The following GRM5 variants were observed in gnomAD, a reference collection of about 807,000 sequenced individuals.
The protein encoded by GRM5 is glutamate metabotropic receptor 5, also known as metabotropic glutamate receptor 5.
Under a neutral mutation model 83.1 loss-of-function variants are expected in GRM5, and 19 were observed. That is an observed-to-expected ratio of 0.23 (90% confidence interval 0.16 to 0.34). The LOEUF is 0.34. Ranked by LOEUF, GRM5 falls within the 10% of genes least tolerant of loss-of-function variation. The pLI, the probability that GRM5 is intolerant of heterozygous loss-of-function variation, is 1.00. For missense variants in GRM5, 1,160 were observed against 1,588.3 expected (o/e 0.73, Z 4.58); for synonymous variants, 675 against 633.6 (o/e 1.07, Z -0.98).
chr11:88,672,801 AAAAAGT>A (rs1940225846), intron 3 of GRM5, among the ~76,000 whole-genome samples: 1 of 152,026 alleles, frequency 6.6e-6, no homozygotes, highest in Non-Finnish European at 1.5e-5. Flanking sequence ...GAAAGGTACT[AAAAAGT>A]AAAATGGACA....
rs1305912549 is a variant in GRM5, at chr11:88,572,523, GT to G, written c.1691-4532del. ...CTCTTCTGACATTAGATAATTATAT[GT>G]TTTTTTCCCTTCACTAGTATTAGAT... On this transcript the variant is annotated intron_variant, in intron 7 of 9. Transcript: ENST00000305447. Among the ~76,000 whole-genome samples the G allele has an allele frequency of 2.0e-5, 3 of 152,140 alleles. No homozygotes were observed. In the South Asian group the frequency reaches 6.2e-4, roughly 32 times the overall value.
At chr11:89,023,888 AAT>A (rs1439315620) in intron 2 of GRM5, among the ~76,000 whole-genome samples, 11 of 112,658 alleles carry the variant, frequency 9.8e-5, no homozygotes, top group African/African-American at 3.5e-4. Context: ...TAAATAAATA[AAT>A]AAATAAAAAT....
At chr11:88,987,774 C>A (rs1207636190) in intron 2 of GRM5, among the ~76,000 whole-genome samples, 1 of 151,044 alleles carries the variant, frequency 6.6e-6, no homozygotes, top group Admixed American at 6.6e-5. Context: ...CGGCAGGGTA[C>A]TCCAACAGAC....
At chr11:88,720,557 T>C (rs897655553) in intron 3 of GRM5, among the ~76,000 whole-genome samples, 1 of 151,940 alleles carries the variant, frequency 6.6e-6, no homozygotes, top group Admixed American at 6.6e-5. Flanking sequence ...CCACAAATCA[T>C]AGTCAAAACA....
intron 4 of GRM5, among the ~76,000 whole-genome samples, chr11:88,614,137 G>A (rs894363474): frequency 6.6e-6 from 1 of 152,130 alleles, no homozygotes; most frequent in Admixed American, 6.5e-5. Context: ...AGGTGGGTTT[G>A]AGTCTCATTC....
intron 3 of GRM5, among the ~76,000 whole-genome samples, chr11:88,686,813 T>C (rs1940635391): frequency 2.0e-5 from 3 of 152,146 alleles, no homozygotes; most frequent in African/African-American, 4.8e-5. Flanking sequence ...TCCCCAGTCA[T>C]GTGGAACCTC....
chr11:88,866,346 T>G (rs1944665284), intron 2 of GRM5, among the ~76,000 whole-genome samples: 1 of 151,990 alleles, frequency 6.6e-6, no homozygotes, highest in Non-Finnish European at 1.5e-5. Flanking sequence ...AAATGGGAGT[T>G]GAACAATGAG....
intron 7 of GRM5, among the ~76,000 whole-genome samples, chr11:88,589,392 G>A (rs1299503143): frequency 6.6e-6 from 1 of 151,772 alleles, no homozygotes; most frequent in Admixed American, 6.6e-5. Context: ...AAAGGCACTT[G>A]GATGTTTTAT....
intron 3 of GRM5, among the ~76,000 whole-genome samples, chr11:88,711,572 C>T (rs74808097): frequency 1.3e-5 from 2 of 152,052 alleles, no homozygotes; most frequent in Non-Finnish European, 1.5e-5. Flanking sequence ...ATGGCCTGTA[C>T]TAAGCACTTG....
intron 2 of GRM5, among the ~76,000 whole-genome samples, chr11:89,027,711 T>C (rs111379032): frequency 1.8e-3 from 279 of 152,360 alleles, no homozygotes; most frequent in Non-Finnish European, 3.4e-3. Context: ...CATGTGAACG[T>C]ATTTAAATTC....
At chr11:88,940,014 T>C (rs620944) in intron 2 of GRM5, among the ~76,000 whole-genome samples, 75,641 of 151,612 alleles carry the variant, frequency 0.5, 20,374 homozygotes, top group South Asian at 0.67. Flanking sequence ...ATGTCTTTTA[T>C]ATTATGTGTT....
intron 2 of GRM5, among the ~76,000 whole-genome samples, chr11:88,951,545 T>C (rs1938464510): frequency 6.6e-6 from 1 of 152,228 alleles, no homozygotes. Context: ...TGGCTCATAT[T>C]ATTCCCTTGG....
chr11:88,628,049 GC>G (rs1471862172), intron 4 of GRM5, among the ~76,000 whole-genome samples: 2 of 152,026 alleles, frequency 1.3e-5, no homozygotes, highest in African/African-American at 4.8e-5. Flanking sequence ...TATTCAGTTT[GC>G]CAAACTGTTT....
At chr11:88,883,037 C>G (rs1012625833) in intron 2 of GRM5, among the ~76,000 whole-genome samples, 1 of 152,182 alleles carries the variant, frequency 6.6e-6, no homozygotes, top group Non-Finnish European at 1.5e-5. Context: ...CAGCCACATG[C>G]AACTGTGAAT....
intron 2 of GRM5, among the ~76,000 whole-genome samples, chr11:88,923,349 C>A (rs754484459): frequency 6.6e-6 from 1 of 152,094 alleles, no homozygotes; most frequent in Non-Finnish European, 1.5e-5. Context: ...CGCATATACA[C>A]AAGATAGCAC....
intron 8 of GRM5, among the ~76,000 whole-genome samples, chr11:88,555,713 C>G (rs10128612): frequency 0.046 from 6,995 of 152,172 alleles, 510 homozygotes; most frequent in African/African-American, 0.15. Flanking sequence ...AGGCTAGGCA[C>G]AAAGCTTATG....
intron 2 of GRM5, among the ~76,000 whole-genome samples, chr11:88,978,933 C>T (rs1225971390): frequency 1.3e-5 from 2 of 152,132 alleles, no homozygotes; most frequent in East Asian, 3.8e-4. Context: ...TTTAAGATTG[C>T]ACTCTTTACT....
chr11:88,947,545 T>C (rs1207697003), intron 2 of GRM5, among the ~76,000 whole-genome samples: 2 of 152,234 alleles, frequency 1.3e-5, no homozygotes, highest in Admixed American at 6.5e-5. Flanking sequence ...TTTTTTTTTT[T>C]TCCCTATTAT....
intron 8 of GRM5, among the ~76,000 whole-genome samples, chr11:88,557,097 C>T (rs758550074): frequency 2.0e-5 from 3 of 152,076 alleles, no homozygotes; most frequent in Non-Finnish European, 2.9e-5. Context: ...CATAGACCTG[C>T]GTTTGAATCC....
Sources: allele counts gnomAD v4.1 joint callset (sites outside exome capture counted in the v4.1 genomes callset), GRCh38; gene constraint gnomAD v4.1.1; transcripts MANE v1.5; gene names NCBI Gene and HGNC (gene_info 2026-07-23, HGNC 2026-07-21).